ARHGEF28: variants seen among roughly 807,000 people sequenced by gnomAD.
ARHGEF28 encodes the protein 190 kDa guanine nucleotide exchange factor.
A neutral mutation model predicts 206.6 loss-of-function variants in ARHGEF28; 152 were observed. The observed-to-expected ratio is 0.74, with a 90% CI of 0.64 to 0.84. The LOEUF (loss-of-function observed/expected upper bound fraction) is 0.84. Among genes scored for constraint, ARHGEF28 ranks in the 40% least tolerant of loss-of-function variants. The pLI is 0.00. For synonymous variants in ARHGEF28, 763 were observed against 776.4 expected (o/e 0.98, Z 0.29); for missense variants, 2,028 against 2,073.2 (o/e 0.98, Z 0.42).
intron 6 of ARHGEF28, among the ~76,000 whole-genome samples, chr5:73,777,256 T>G (rs1753594160): frequency 1.3e-5 from 2 of 152,326 alleles, no homozygotes; most frequent in South Asian, 4.1e-4. Flanking sequence ...TCTCTTTTTT[T>G]TTTTGGTAGA....
chr5:73,772,121 A>G (rs1753258377), intron 4 of ARHGEF28, among the ~76,000 whole-genome samples: 1 of 152,162 alleles, frequency 6.6e-6, no homozygotes. Flanking sequence ...AGATATATAA[A>G]TAATTAAAAA....
At chr5:73,887,403 T>A (rs1761366127) in intron 25 of ARHGEF28, 200 bp from the exon 26 acceptor site, 1 of 402,566 alleles carries the variant, frequency 2.5e-6, no homozygotes, top group African/African-American at 2.1e-5. Context: ...GATTTACCTA[T>A]ACCTACAGCC....
intron 13 of ARHGEF28, among the ~76,000 whole-genome samples, chr5:73,851,609 G>A (rs944928851): frequency 2.6e-5 from 4 of 152,134 alleles, no homozygotes; most frequent in African/African-American, 7.2e-5. Context: ...GAGGAATGAC[G>A]TAAACATACT....
intron 4 of ARHGEF28, among the ~76,000 whole-genome samples, chr5:73,763,433 C>G (rs1752719872): frequency 6.6e-6 from 1 of 152,176 alleles, no homozygotes; most frequent in South Asian, 2.1e-4. Flanking sequence ...GGCGAATGGC[C>G]AGTTTCCTGG....
At chr5:73,794,545 TA>T (rs144455294) in intron 8 of ARHGEF28, 91 bp downstream of exon 8, 17 of 1,035,324 alleles carry the variant, frequency 1.6e-5, no homozygotes, top group Middle Eastern at 2.3e-4. Flanking sequence ...TAAAAAACAC[TA>T]AAAAAAGGAT....
intron 4 of ARHGEF28, among the ~76,000 whole-genome samples, chr5:73,771,737 A>G (rs1330315950): frequency 6.6e-6 from 1 of 152,224 alleles, no homozygotes; most frequent in African/African-American, 2.4e-5. Flanking sequence ...CCAACATTTT[A>G]GATACCCTGC....
intron 18 of ARHGEF28, 62 bp from the exon 19 acceptor site, chr5:73,867,814 G>A (rs1759803884): frequency 1.2e-5 from 19 of 1,606,010 alleles, no homozygotes; most frequent in Non-Finnish European, 1.6e-5. Flanking sequence ...GCTTTTAAGT[G>A]ACTACTTTTA....
chr5:73,828,319 A>G (rs1757039362), intron 9 of ARHGEF28, among the ~76,000 whole-genome samples: 1 of 152,230 alleles, frequency 6.6e-6, no homozygotes, highest in South Asian at 2.1e-4. Flanking sequence ...GTTCACTTCT[A>G]GATCCTATTG....
intron 1 of ARHGEF28, among the ~76,000 whole-genome samples, chr5:73,658,983 A>ACACACACG (rs1561314632): frequency 7.1e-6 from 1 of 140,936 alleles, no homozygotes; most frequent in Non-Finnish European, 1.6e-5. Flanking sequence ...ACACACACAC[A>ACACACACG]CACACACACA....
At chr5:73,833,380 A>G (rs911383950) in intron 10 of ARHGEF28, among the ~76,000 whole-genome samples, 2 of 152,144 alleles carry the variant, frequency 1.3e-5, no homozygotes, top group Non-Finnish European at 2.9e-5. Context: ...TCTAGAGCTC[A>G]ATTTCAGCCC....
chr5:73,685,697 A>T (rs781445090), intron 2 of ARHGEF28, among the ~76,000 whole-genome samples: 1 of 152,124 alleles, frequency 6.6e-6, no homozygotes, highest in Non-Finnish European at 1.5e-5. Context: ...ATCTAAGCTC[A>T]CTGCAAACTC....
intron 1 of ARHGEF28, among the ~76,000 whole-genome samples, chr5:73,656,913 G>A (rs1349377725): frequency 2.0e-5 from 3 of 152,122 alleles, no homozygotes; most frequent in Non-Finnish European, 4.4e-5. Flanking sequence ...GCTCATGCCT[G>A]TAATCTTAGC....
intron 11 of ARHGEF28, among the ~76,000 whole-genome samples, chr5:73,845,856 C>T (rs754307544): frequency 6.6e-5 from 10 of 151,692 alleles, no homozygotes; most frequent in Admixed American, 1.3e-4. Flanking sequence ...GGCGTGGTGG[C>T]GCACGCCTGT....
rs1762064402 is a variant in ARHGEF28 at position 73,898,090 on chromosome 5, G to C, written c.3970G>C (p.Ala1324Pro). Reference sequence around the variant, plus strand: ...TCATGATGTACCAGGATCACCGACTGCCTGTAAGTGAAAATGCAGGCCTTG... The same window carrying C: ...TCATGATGTACCAGGATCACCGACTCCCTGTAAGTGAAAATGCAGGCCTTG... ...SSHDVPGSPT[A>P]SLVTGGREGR... Residue 1324 changes from alanine to proline, a missense_variant, in exon 30 of 36, where the codon GCC becomes CCC. Ala to Pro is a conservative substitution (Grantham distance 27). Transcript: ENST00000513042. 6.2e-7 allele frequency: 1 copy of C among 1,610,950 alleles called. No homozygotes were observed. Among genetic ancestry groups the C allele is most frequent in the African/African-American group, 1.3e-5 (1 of 74,862 alleles).
intron 30 of ARHGEF28, chr5:73,900,270 A>G (rs774180431): frequency 6.6e-6 from 1 of 152,268 alleles, no homozygotes; most frequent in Non-Finnish European, 1.5e-5. Context: ...CACAATAAAA[A>G]TTATACAAAC....
At chr5:73,794,014 G>C (rs936049029) in intron 7 of ARHGEF28, among the ~76,000 whole-genome samples, 4 of 152,176 alleles carry the variant, frequency 2.6e-5, no homozygotes, top group African/African-American at 9.7e-5. Flanking sequence ...TGTGGTATTT[G>C]AGGAAATAGA....
intron 29 of ARHGEF28, among the ~76,000 whole-genome samples, chr5:73,895,350 T>A (rs1329673984): frequency 6.6e-6 from 1 of 152,114 alleles, no homozygotes; most frequent in Non-Finnish European, 1.5e-5. Flanking sequence ...TTGAAAATAC[T>A]GAGAATTTTG....
chr5:73,860,097 T>A (rs1283904516), intron 16 of ARHGEF28, among the ~76,000 whole-genome samples: 1 of 152,224 alleles, frequency 6.6e-6, no homozygotes, highest in Admixed American at 6.5e-5. Context: ...CGTGGCACAC[T>A]ACTCTTCTGT....
At chr5:73,744,886 A>T (rs1332410249) in intron 2 of ARHGEF28, among the ~76,000 whole-genome samples, 1 of 152,016 alleles carries the variant, frequency 6.6e-6, no homozygotes, top group East Asian at 1.9e-4. Context: ...GAATCTTTAG[A>T]TGCCTTTGAG....
Sources: gnomAD v4.1 joint callset for allele counts (sites outside exome capture counted in the v4.1 genomes callset) on GRCh38, gnomAD v4.1.1 for gene constraint, MANE v1.5 for transcripts, NCBI Gene and HGNC (gene_info 2026-07-23, HGNC 2026-07-21) for gene names.